The following HSPA9 variants were observed in gnomAD, a reference collection of about 807,000 sequenced individuals.
HSPA9 encodes stress-70 protein, mitochondrial.
HSPA9 carries 28 observed loss-of-function variants against 81.5 expected under a neutral mutation model. The observed-to-expected ratio is 0.34, with a 90% CI of 0.25 to 0.47. The LOEUF is 0.47. Among genes scored for constraint, HSPA9 ranks in the 20% least tolerant of loss-of-function variants. HSPA9 has a pLI of 1.00. For missense variants in HSPA9, 678 were observed against 838.0 expected (o/e 0.81, Z 2.36); for synonymous variants, 293 against 290.4 (o/e 1.01, Z -0.09).
chr5:138,561,979 G>GC, intron 9 of HSPA9, among the ~76,000 whole-genome samples, 190 bp from the exon 10 acceptor site: 1 of 149,506 alleles, frequency 6.7e-6, no homozygotes, highest in East Asian at 2.0e-4. Flanking sequence ...TCATTCTATC[G>GC]CCAGGCTGGA....
rs928609715 is a variant in HSPA9 at position 138,567,021 on chromosome 5, C to T, written c.859G>A (p.Val287Met). The T allele has an allele frequency of 1.9e-6, 3 of 1,605,752 alleles. No individual in the cohort carries two copies. In the African/African-American group the frequency reaches 4.0e-5, roughly 21 times the overall value. Residue 287 changes from valine to methionine, a missense_variant, in exon 8 of 17, where the codon GTG (valine) becomes ATG (methionine). By Grantham distance (21) the Val-to-Met change is conservative. This residue lies in a region of HSPA9 where 484 missense variants were observed against 647.5 expected (regional missense o/e 0.75). Coordinates refer to ENST00000297185, the MANE Select transcript of HSPA9 (RefSeq NM_004134.7). ...CTCACCTCTCTCTTGAACTCCTTCA[C>T]AATGTGCCGTAGCAAGGCCTGGTCA... Reference protein sequence around the residue: ...DFDQALLRHIVKEFKRETGVD... With the variant: ...DFDQALLRHIMKEFKRETGVD...
chr5:138,558,337 A>G (rs557952312), intron 12 of HSPA9, among the ~76,000 whole-genome samples: 1 of 152,132 alleles, frequency 6.6e-6, no homozygotes, highest in Non-Finnish European at 1.5e-5. Context: ...ATGAGTAATC[A>G]GGAGTTTATT....
At chr5:138,566,759 T>A (rs1393264836) in intron 8 of HSPA9, 41 bp from the exon 9 acceptor site, 1 of 1,461,600 alleles carries the variant, frequency 6.8e-7, no homozygotes, top group South Asian at 1.1e-5. Context: ...CCAGCATTAG[T>A]GAGGTGATAA....
Position 138,555,923 on chromosome 5 carries a change from A to G in HSPA9, c.*114T>C. On this transcript the variant is annotated 3_prime_UTR_variant, in exon 17 of 17. Transcript: ENST00000297185. ...TTTACAAATTAAGGAAATTATATAT[A>G]GAATACTGCAAAAACACAGTAAAAA... 1 of 753,018 alleles carries G rather than the reference A, an allele frequency of 1.3e-6. No individual in the cohort carries two copies. The highest frequency in any genetic ancestry group is 2.4e-6 in the Non-Finnish European group (1 of 424,508). 46.6% of individuals were successfully genotyped at this position (753,018 alleles called of 1,614,324 possible).
At position 138,554,890 on chromosome 5, in the gene HSPA9, G is replaced by T. The variant is rs1750487161; in HGVS notation, c.*1147C>A. ...GGACAGAAAAGCAGAAATAGGGAAA[G>T]AAATCTGGGTTCCTTTTATTTTTGA... On this transcript the variant is annotated 3_prime_UTR_variant, in exon 17 of 17. Coordinates refer to ENST00000297185, the MANE Select transcript of HSPA9 (RefSeq NM_004134.7). 1.3e-5 allele frequency: 2 copies of T among 152,220 alleles called. No individual in the cohort carries two copies. The highest frequency in any genetic ancestry group is 4.1e-4 in the South Asian group (2 of 4,832). 9.4% of individuals were successfully genotyped at this position (152,220 alleles called of 1,614,324 possible).
Position 138,568,989 on chromosome 5 carries a change from A to G in HSPA9, c.471T>C (p.His157=), listed in dbSNP as rs1317712872. Residue 157 remains histidine (H), a synonymous_variant, in exon 5 of 17, where the codon CAT becomes CAC. Transcript: ENST00000297185. The part of the protein sequence containing the change: ...ASNGDAWVEA[H]GKLYSPSQIG... ...TCTGACTCGGAGAATACAATTTCCC[A>G]TGAGCCTCAACCCAGGCATCACCAT... 1.2e-6 allele frequency: 2 copies of G among 1,613,898 alleles called. No individual in the cohort carries two copies. The highest frequency in any genetic ancestry group is 1.7e-6 in the Non-Finnish European group (2 of 1,179,880).
chr5:138,565,655 T>C (rs181883187), intron 9 of HSPA9, among the ~76,000 whole-genome samples: 3 of 152,310 alleles, frequency 2.0e-5, no homozygotes, highest in South Asian at 4.1e-4. Context: ...GCTGTGTAAA[T>C]CTGATGCTCA....
intron 9 of HSPA9, 117 bp from the exon 10 acceptor site, chr5:138,561,906 G>T: frequency 1.3e-6 from 1 of 797,666 alleles, no homozygotes. Flanking sequence ...ACCAAAGGGA[G>T]GGTGAGATCT....
intron 8 of HSPA9, 31 bp downstream of exon 8, chr5:138,566,970 C>A: frequency 1.2e-6 from 2 of 1,604,152 alleles, no homozygotes; most frequent in Non-Finnish European, 8.5e-7. Flanking sequence ...AATATCCCAA[C>A]GTCTACATAT....
At chr5:138,557,799 A>C in intron 13 of HSPA9, 70 bp downstream of exon 13, 1 of 921,312 alleles carries the variant, frequency 1.1e-6, no homozygotes, top group South Asian at 1.3e-5. Context: ...AGGACTCATC[A>C]TTCTAAGAGG....
In HSPA9 at chr5:138,572,723, GGCACCAAGAGATTATTCC is replaced by G. The variant is rs1406499930; in HGVS notation, c.228+1022_228+1039del. Among the ~76,000 whole-genome samples the G allele has an allele frequency of 5.3e-5, 8 of 152,042 alleles. No individual in the cohort carries two copies. In the East Asian group the frequency reaches 1.4e-3, roughly 26 times the overall value. On this transcript the variant is annotated intron_variant, in intron 3 of 16. Coordinates refer to ENST00000297185, the MANE Select transcript of HSPA9 (RefSeq NM_004134.7). ...TATGGTCTTCTTATCCCACTTGTTT[GGCACCAAGAGATTATTCC>G]TTCTCTTGGCCCTAATTTGGGCTTC...
At position 138,560,071 on chromosome 5, in the gene HSPA9, A is replaced by T. The variant is rs1356338736; in HGVS notation, c.1203T>A (p.Asp401Glu). The T allele has an allele frequency of 6.2e-7, 1 of 1,614,144 alleles. No individual in the cohort carries two copies. Among genetic ancestry groups the T allele is most frequent in the South Asian group, 1.1e-5 (1 of 91,072 alleles). Residue 401 changes from aspartate to glutamate, a missense_variant, in exon 11 of 17, where the codon GAT becomes GAA. By Grantham distance (45) the Asp-to-Glu change is conservative. Transcript: ENST00000297185. The part of the protein sequence containing the change: ...RMPKVQQTVQ[D>E]LFGRAPSKAV... The stretch of plus-strand genomic sequence containing the variant: ...CTTTACTTGGGGCTCTGCCAAAAAG[A>T]TCCTGTACAGTCTGCTGAACCTGAA...
At chr5:138,569,821 A>G (rs1750839431) in intron 4 of HSPA9, among the ~76,000 whole-genome samples, 1 of 152,024 alleles carries the variant, frequency 6.6e-6, no homozygotes, top group Non-Finnish European at 1.5e-5. Flanking sequence ...CTAAAGTGCT[A>G]GGATTACAGA....
intron 11 of HSPA9, among the ~76,000 whole-genome samples, chr5:138,559,396 C>T (rs1750604170): frequency 6.6e-6 from 1 of 152,162 alleles, no homozygotes; most frequent in South Asian, 2.1e-4. Context: ...AGCCACGGTG[C>T]CCAGCCAGAA....
chr5:138,562,563 A>G (rs979969033), intron 9 of HSPA9, among the ~76,000 whole-genome samples: 12 of 152,140 alleles, frequency 7.9e-5, no homozygotes. Flanking sequence ...AAAAAACAAA[A>G]AAACAATGTT....
chr5:138,566,956 TC>T (rs1750780805), intron 8 of HSPA9, 44 bp downstream of exon 8: 1 of 1,587,834 alleles, frequency 6.3e-7, no homozygotes, highest in Non-Finnish European at 8.6e-7. Context: ...ACAAAGAATT[TC>T]TCAATATCCC....
intron 9 of HSPA9, among the ~76,000 whole-genome samples, chr5:138,562,162 C>T (rs1750676035): frequency 6.6e-6 from 1 of 150,820 alleles, no homozygotes; most frequent in South Asian, 2.1e-4. Flanking sequence ...TGGTCTCGAT[C>T]TCTTGACCTC....
At chr5:138,571,741 G>T (rs1750898453) in intron 3 of HSPA9, among the ~76,000 whole-genome samples, 1 of 150,892 alleles carries the variant, frequency 6.6e-6, no homozygotes, top group African/African-American at 2.4e-5. Flanking sequence ...CCCTGTCCTG[G>T]GTTCAATTCT....
intron 14 of HSPA9, 158 bp from the exon 15 acceptor site, chr5:138,557,024 TGA>T (rs1750542348): frequency 1.5e-6 from 1 of 682,330 alleles, no homozygotes; most frequent in Non-Finnish European, 2.6e-6. Flanking sequence ...GGGATGGCTT[TGA>T]GAGAGATTTG....
Sources: gnomAD v4.1 joint callset for allele counts (sites outside exome capture counted in the v4.1 genomes callset) on GRCh38, gnomAD v4.1.1 for gene constraint, gnomAD v4.1.1 regional missense constraint, MANE v1.5 for transcripts, NCBI Gene and HGNC (gene_info 2026-07-23, HGNC 2026-07-21) for gene names.